ARHGAP25: variants seen among roughly 807,000 people sequenced by gnomAD.
The protein encoded by ARHGAP25 is Rho GTPase activating protein 25.
A neutral mutation model predicts 71.0 loss-of-function variants in ARHGAP25; 34 were observed. The observed-to-expected ratio is 0.48, with a 90% CI of 0.36 to 0.64. ARHGAP25 has a LOEUF of 0.64. Among genes scored for constraint, ARHGAP25 ranks in the 30% least tolerant of loss-of-function variants. The probability of loss-of-function intolerance (pLI) is 0.00; values close to 1 mark genes in which losing one functional copy is unlikely to be tolerated. For synonymous variants in ARHGAP25, 282 were observed against 296.5 expected (o/e 0.95, Z 0.50); for missense variants, 706 against 805.1 (o/e 0.88, Z 1.49).
At chr2:68,774,073 C>G (rs1287650580) in intron 1 of ARHGAP25, among the ~76,000 whole-genome samples, 2 of 152,020 alleles carry the variant, frequency 1.3e-5, no homozygotes, top group African/African-American at 4.8e-5. Flanking sequence ...TTAGCTGTGT[C>G]ATGAGTGGTC....
At chr2:68,730,769 G>T (rs1294064574), upstream of ARHGAP25, among the ~76,000 whole-genome samples, 3 of 152,294 alleles carry the variant, frequency 2.0e-5, no homozygotes, top group East Asian at 5.8e-4. Flanking sequence ...ATCTTTGGGG[G>T]CCATACATCA....
chr2:68,821,019 A>G (rs1211644938), intron 9 of ARHGAP25, among the ~76,000 whole-genome samples: 4 of 150,322 alleles, frequency 2.7e-5, no homozygotes, highest in Admixed American at 2.6e-4. Context: ...CTAGAGGTGT[A>G]TAGTGTCCCA....
intron 1 of ARHGAP25, among the ~76,000 whole-genome samples, chr2:68,739,778 G>A (rs1337841290): frequency 6.6e-6 from 1 of 152,280 alleles, no homozygotes; most frequent in East Asian, 1.9e-4. Flanking sequence ...AAATTTTGTA[G>A]AGTCCCCAGA....
At chr2:68,712,420 A>G (rs1674508173) in intron 2 of ARHGAP25, among the ~76,000 whole-genome samples, 1 of 152,160 alleles carries the variant, frequency 6.6e-6, no homozygotes, top group African/African-American at 2.4e-5. Context: ...CCTTTGTCAG[A>G]TGGATAGATT....
At chr2:68,800,219 G>A (rs372238673) in intron 4 of ARHGAP25, among the ~76,000 whole-genome samples, 8 of 152,060 alleles carry the variant, frequency 5.3e-5, no homozygotes, top group African/African-American at 1.9e-4. Flanking sequence ...TCTCCCTGAG[G>A]CCTGGGCTGG....
At chr2:68,783,859 T>C (rs148133084) in intron 3 of ARHGAP25, among the ~76,000 whole-genome samples, 26 of 152,260 alleles carry the variant, frequency 1.7e-4, no homozygotes, top group Non-Finnish European at 2.1e-4. Context: ...ACTAGAAATA[T>C]CTCTCTCCCT....
At chr2:68,781,783 C>T (rs887425538) in intron 2 of ARHGAP25, among the ~76,000 whole-genome samples, 5 of 152,112 alleles carry the variant, frequency 3.3e-5, no homozygotes, top group Non-Finnish European at 5.9e-5. Flanking sequence ...AGTGAAGGTG[C>T]GAGCACCTTC....
At chr2:68,792,938 A>AT (rs148539537) in intron 4 of ARHGAP25, among the ~76,000 whole-genome samples, 2,366 of 152,020 alleles carry the variant, frequency 0.016, 57 homozygotes, top group African/African-American at 0.054. Context: ...GACATCTGTT[A>AT]TTTTTTTACT....
intron 6 of ARHGAP25, among the ~76,000 whole-genome samples, chr2:68,813,764 T>A (rs1472327137): frequency 6.6e-6 from 1 of 152,090 alleles, no homozygotes; most frequent in Admixed American, 6.5e-5. Flanking sequence ...AGGTGTGAGG[T>A]CACATAGCTC....
Position 68,826,086 on chromosome 2 carries a change from C to G in ARHGAP25, c.1833C>G (p.Leu611=). The G allele has an allele frequency of 6.2e-7, 1 of 1,614,046 alleles. No homozygotes were observed. The highest frequency in any genetic ancestry group is 8.5e-7 in the Non-Finnish European group (1 of 1,180,002). The change falls in exon 11 of 11, where the codon CTC becomes CTG. Residue 611 remains leucine, a synonymous_variant. Transcript: ENST00000409202. ...KKKSAALEIS[L]RNMERSREDV... ...AGTCTGCAGCCCTAGAGATCAGCCT[C>G]CGCAACATGGAGCGCTCCCGGGAGG... is the stretch of plus-strand genomic sequence containing the variant.
At chr2:68,730,581 T>A (rs963299191), upstream of ARHGAP25, among the ~76,000 whole-genome samples, 17 of 151,652 alleles carry the variant, frequency 1.1e-4, no homozygotes, top group African/African-American at 3.9e-4. Context: ...GCCCAGGAGG[T>A]TGAGGCTGCA....
intron 7 of ARHGAP25, 105 bp downstream of exon 7, chr2:68,816,467 A>G: frequency 6.7e-6 from 6 of 893,438 alleles, no homozygotes; most frequent in Non-Finnish European, 1.1e-5. Flanking sequence ...ATTCTGGTCT[A>G]GCACTTTGGA....
chr2:68,758,355 GTC>G (rs1398435291), intron 1 of ARHGAP25, among the ~76,000 whole-genome samples: 2 of 151,916 alleles, frequency 1.3e-5, no homozygotes, highest in Non-Finnish European at 2.9e-5. Flanking sequence ...CCTATACGCT[GTC>G]TACAAGAGAC....
chr2:68,715,641 G>T (rs1187734119), intron 2 of ARHGAP25, among the ~76,000 whole-genome samples: 1 of 152,208 alleles, frequency 6.6e-6, no homozygotes. Context: ...CTGAGTGGAG[G>T]AGGTGAACCG....
chr2:68,721,617 C>G (rs910641360), intron 2 of ARHGAP25, among the ~76,000 whole-genome samples: 8 of 152,212 alleles, frequency 5.3e-5, no homozygotes, highest in Non-Finnish European at 2.9e-5. Flanking sequence ...CAAGGTGAAC[C>G]ATGACTTTCA....
At chr2:68,730,070 GAC>G (rs1400999819), upstream of ARHGAP25, among the ~76,000 whole-genome samples, 1 of 152,100 alleles carries the variant, frequency 6.6e-6, no homozygotes, top group Non-Finnish European at 1.5e-5. Flanking sequence ...AATGCTTAAT[GAC>G]AGATACTTTT....
intron 3 of ARHGAP25, 49 bp from the exon 4 acceptor site, chr2:68,787,791 C>T (rs1309628101): frequency 1.3e-6 from 2 of 1,495,676 alleles, no homozygotes; most frequent in Non-Finnish European, 9.3e-7. Flanking sequence ...CCCTTGCTCT[C>T]ATGTTCTTAT....
chr2:68,725,036 C>T (rs549708682), intron 2 of ARHGAP25, among the ~76,000 whole-genome samples: 13 of 152,292 alleles, frequency 8.5e-5, no homozygotes, highest in South Asian at 4.1e-4. Flanking sequence ...GAGTAGAGAA[C>T]GATACTCCTT....
intron 9 of ARHGAP25, among the ~76,000 whole-genome samples, chr2:68,821,957 G>A (rs1224867378): frequency 7.0e-5 from 1 of 14,222 alleles, no homozygotes; most frequent in African/African-American, 3.1e-4. Flanking sequence ...TTGTTCTTTT[G>A]TTTTTATTTT....
Sources: gnomAD v4.1 joint callset for allele counts (sites outside exome capture counted in the v4.1 genomes callset) on GRCh38, gnomAD v4.1.1 for gene constraint, MANE v1.5 for transcripts, NCBI Gene and HGNC (gene_info 2026-07-23, HGNC 2026-07-21) for gene names.